The following RAP1A variants were observed in gnomAD, a reference collection of about 807,000 sequenced individuals.
RAP1A encodes ras-related protein Rap-1A.
A neutral mutation model predicts 26.4 loss-of-function variants in RAP1A; 6 were observed. That is an observed-to-expected ratio of 0.23 (90% CI 0.12 to 0.45). The LOEUF is 0.45. Ranked by LOEUF, RAP1A falls within the 20% of genes least tolerant of loss-of-function variation. The pLI is 0.99. For synonymous variants in RAP1A, 73 were observed against 79.4 expected (o/e 0.92, Z 0.43); for missense variants, 121 against 217.2 (o/e 0.56, Z 2.78).
At chr1:111,663,099 A>G (rs1660690237) in intron 1 of RAP1A, among the ~76,000 whole-genome samples, 1 of 152,096 alleles carries the variant, frequency 6.6e-6, no homozygotes, top group African/African-American at 2.4e-5. Context: ...TTTTTAGTAG[A>G]GACAGGGTTT....
At chr1:111,705,696 T>C (rs1418076722) in intron 6 of RAP1A, among the ~76,000 whole-genome samples, 1 of 152,218 alleles carries the variant, frequency 6.6e-6, no homozygotes, top group Non-Finnish European at 1.5e-5. Flanking sequence ...ATTCCTGCCC[T>C]GAAGAAGTTT....
At chr1:111,693,500 A>G (rs1359648322) in intron 2 of RAP1A, among the ~76,000 whole-genome samples, 1 of 152,184 alleles carries the variant, frequency 6.6e-6, no homozygotes, top group Admixed American at 6.5e-5. Context: ...AACCTGAGGA[A>G]TAAAATTATA....
chr1:111,700,400 C>T (rs1364831871), intron 4 of RAP1A, among the ~76,000 whole-genome samples: 1 of 152,094 alleles, frequency 6.6e-6, no homozygotes, highest in Non-Finnish European at 1.5e-5. Context: ...TTTTACATGG[C>T]AAGAGCAAAG....
intron 1 of RAP1A, among the ~76,000 whole-genome samples, chr1:111,562,121 T>G (rs1345500188): frequency 6.6e-6 from 1 of 152,176 alleles, no homozygotes; most frequent in Admixed American, 6.5e-5. Context: ...GTGCCATTTC[T>G]TTTCTATGAG....
intron 1 of RAP1A, among the ~76,000 whole-genome samples, chr1:111,678,938 A>G (rs752596668): frequency 3.9e-5 from 6 of 152,196 alleles, no homozygotes; most frequent in African/African-American, 9.7e-5. Context: ...TGCAATGTCA[A>G]TAGAAGTGGT....
At chr1:111,678,803 A>G (rs116430788) in intron 1 of RAP1A, among the ~76,000 whole-genome samples, 55 of 151,898 alleles carry the variant, frequency 3.6e-4, no homozygotes, top group African/African-American at 1.3e-3. Context: ...CAACTTCGCT[A>G]AATTCACTTG....
intron 1 of RAP1A, among the ~76,000 whole-genome samples, chr1:111,564,906 T>A (rs981253366): frequency 1.3e-5 from 2 of 152,056 alleles, no homozygotes; most frequent in Non-Finnish European, 1.5e-5. Context: ...ATCATGAAAC[T>A]TGCATTACAG....
chr1:111,587,989 A>G (rs1205438859), intron 1 of RAP1A, among the ~76,000 whole-genome samples: 1 of 152,174 alleles, frequency 6.6e-6, no homozygotes, highest in Non-Finnish European at 1.5e-5. Context: ...TTTGGTGGTC[A>G]CAAATACACT....
rs144416140 is a variant in RAP1A, at chr1:111,584,717, A to T, written c.-28+42208A>T. Among the ~76,000 whole-genome samples, 750 of 152,326 alleles carry T rather than the reference A, an allele frequency of 4.9e-3. 7 individuals are homozygous for T. Among genetic ancestry groups the T allele is most frequent in the East Asian group, 0.014 (72 of 5,182 alleles). On this transcript the variant is annotated intron_variant, in intron 1 of 7. Coordinates refer to the RAP1A transcript ENST00000356415. ...TTCTAATGTCTCTAGAGAAATTCAT[A>T]TATAAATAGGGAATACTTTATATGC...
chr1:111,680,256 G>C (rs1051200032), intron 1 of RAP1A, among the ~76,000 whole-genome samples: 1 of 152,168 alleles, frequency 6.6e-6, no homozygotes, highest in Non-Finnish European at 1.5e-5. Flanking sequence ...TATGAAGAGC[G>C]AAAGAACAAA....
intron 1 of RAP1A, among the ~76,000 whole-genome samples, chr1:111,666,918 G>C (rs934617076): frequency 6.6e-6 from 1 of 152,184 alleles, no homozygotes; most frequent in South Asian, 2.1e-4. Flanking sequence ...CAGTGTGGCT[G>C]TCATAGAGAG....
At chr1:111,657,304 T>C (rs905716793) in intron 1 of RAP1A, among the ~76,000 whole-genome samples, 4 of 152,180 alleles carry the variant, frequency 2.6e-5, no homozygotes, top group African/African-American at 4.8e-5. Context: ...GTTAAACATA[T>C]TGTATAAAAT....
chr1:111,657,773 A>T (rs1196985140), intron 1 of RAP1A, among the ~76,000 whole-genome samples: 5 of 152,106 alleles, frequency 3.3e-5, no homozygotes, highest in Non-Finnish European at 7.4e-5. Flanking sequence ...TATGTGAGGG[A>T]TTTATTTCTG....
intron 1 of RAP1A, among the ~76,000 whole-genome samples, chr1:111,555,437 A>T (rs573964343): frequency 1.7e-4 from 26 of 151,490 alleles, no homozygotes; most frequent in South Asian, 6.2e-4. Flanking sequence ...CAGAAAAAAA[A>T]TTTTTAATGT....
rs377603275 is a variant in RAP1A at position 111,697,452 on chromosome 1, C to T, written c.138C>T (p.Val46=). 47 of 1,609,566 alleles carry T rather than the reference C, an allele frequency of 2.9e-5. No individual in the cohort carries two copies. Among genetic ancestry groups the T allele is most frequent in the South Asian group, 2.6e-4 (24 of 90,906 alleles). Residue 46 remains valine, a synonymous_variant, in exon 4 of 8, where the codon GTC becomes GTT. Coordinates refer to ENST00000369709, the MANE Select transcript of RAP1A (RefSeq NM_002884.4). ...IEDSYRKQVE[V]DCQQCMLEIL... ...TTTTGCCCCCACAGCAAGTTGAAGT[C>T]GATTGCCAACAGTGTATGCTCGAAA...
At chr1:111,621,981 A>C (rs924183375) in intron 1 of RAP1A, among the ~76,000 whole-genome samples, 2 of 152,230 alleles carry the variant, frequency 1.3e-5, no homozygotes, top group Admixed American at 1.3e-4. Context: ...AATGAATCCC[A>C]AGGAAATATT....
intron 1 of RAP1A, among the ~76,000 whole-genome samples, chr1:111,558,788 A>C (rs1174690980): frequency 6.6e-6 from 1 of 152,192 alleles, no homozygotes; most frequent in Non-Finnish European, 1.5e-5. Flanking sequence ...AAATTGACAA[A>C]TACACCACCA....
At chr1:111,630,148 A>G (rs1659524688) in intron 1 of RAP1A, among the ~76,000 whole-genome samples, 1 of 152,218 alleles carries the variant, frequency 6.6e-6, no homozygotes. Context: ...ATGAGGTGAA[A>G]TACGAAATGT....
intron 1 of RAP1A, among the ~76,000 whole-genome samples, chr1:111,657,930 G>T (rs1660514713): frequency 6.6e-6 from 1 of 152,034 alleles, no homozygotes; most frequent in East Asian, 1.9e-4. Flanking sequence ...GGATTTTCTT[G>T]ATCTTTCTGT....
Sources: gnomAD v4.1 joint callset for allele counts (sites outside exome capture counted in the v4.1 genomes callset) on GRCh38, gnomAD v4.1.1 for gene constraint, MANE v1.5 for transcripts, NCBI Gene and HGNC (gene_info 2026-07-23, HGNC 2026-07-21) for gene names.